The following LGR6 variants were observed in gnomAD, a reference collection of about 807,000 sequenced individuals.
The protein encoded by LGR6 is leucine rich repeat containing G protein-coupled receptor 6.
In LGR6, 45 loss-of-function variants were observed where a neutral mutation model predicts 69.4. That is an observed-to-expected ratio of 0.65 (90% CI 0.51 to 0.83). LGR6 has a LOEUF of 0.83. LGR6 is among the 40% of genes least tolerant of loss of function. LGR6 has a pLI of 0.00. For synonymous variants in LGR6, 538 were observed against 555.0 expected, an observed-to-expected ratio of 0.97 and a Z score of 0.43; for missense variants, 1,108 against 1,246.7, an observed-to-expected ratio of 0.89 and a Z score of 1.68.
intron 1 of LGR6, among the ~76,000 whole-genome samples, chr1:202,211,113 G>C (rs1290095320): frequency 6.6e-6 from 1 of 152,184 alleles, no homozygotes; most frequent in Admixed American, 6.5e-5. Context: ...GTTAACCCTG[G>C]GAGAGAAGCC....
At chr1:202,232,572 C>T (rs1661175188) in intron 3 of LGR6, among the ~76,000 whole-genome samples, 1 of 152,036 alleles carries the variant, frequency 6.6e-6, no homozygotes. Context: ...GCCTGTAATC[C>T]CAGGGCTGTG....
At chr1:202,248,311 C>G (rs753693761) in intron 4 of LGR6, among the ~76,000 whole-genome samples, 1 of 152,218 alleles carries the variant, frequency 6.6e-6, no homozygotes, top group Non-Finnish European at 1.5e-5. Context: ...GAATCAGTGG[C>G]AGCGCTGCAG....
chr1:202,311,067 C>T (rs187276049), intron 16 of LGR6, among the ~76,000 whole-genome samples: 109 of 151,894 alleles, frequency 7.2e-4, no homozygotes, highest in African/African-American at 2.5e-3. Context: ...TCTTAGATAC[C>T]AAGGGCAGAT....
At chr1:202,261,240 C>G (rs192534951) in intron 4 of LGR6, among the ~76,000 whole-genome samples, 2 of 127,122 alleles carry the variant, frequency 1.6e-5, no homozygotes, top group Admixed American at 8.3e-5. Context: ...CCCCTCCCCC[C>G]ACCCCACAAC....
In LGR6 at chr1:202,268,331, T is replaced by C. The variant is rs959963412; in HGVS notation, c.429-7975T>C. ...CCTCACTGCTCGGCAGGTGCCAGCC[T>C]GCTCCCTGCTGGAATCCTTGCCTTC... is the stretch of plus-strand genomic sequence containing the variant. On this transcript the variant is annotated intron_variant, in intron 4 of 17. Coordinates refer to ENST00000367278, the MANE Select transcript of LGR6 (RefSeq NM_001017403.2). The surrounding 1 kb of genome is among the most constrained non-coding windows in gnomAD (Gnocchi z 4.4). Among the ~76,000 whole-genome samples the C allele has an allele frequency of 6.6e-6, 1 of 152,228 alleles. No homozygotes were observed. Among genetic ancestry groups the C allele is most frequent in the African/African-American group, 2.4e-5 (1 of 41,468 alleles).
intron 4 of LGR6, among the ~76,000 whole-genome samples, chr1:202,274,568 A>G (rs1665381660): frequency 6.6e-6 from 1 of 152,192 alleles, no homozygotes; most frequent in Non-Finnish European, 1.5e-5. Context: ...TAAAAACATT[A>G]ACGTGCTGAT....
In LGR6 at chr1:202,194,210, T is replaced by C. The variant is rs768566635; in HGVS notation, c.212+9T>C. 1.0e-4 allele frequency: 156 copies of C among 1,540,902 alleles called. No homozygotes were observed. Among genetic ancestry groups the C allele is most frequent in the Non-Finnish European group, 1.1e-4 (129 of 1,150,008 alleles). ...CCCCTGACGGCTTACCTGTGAGTAC[T>C]GCCCGCCTGTCCCCGCCTGGTCCTG... is the stretch of plus-strand genomic sequence containing the variant. On this transcript the variant is annotated intron_variant, in intron 1 of 17. Transcript: ENST00000367278.
At chr1:202,211,868 C>G (rs996960720) in intron 1 of LGR6, among the ~76,000 whole-genome samples, 2 of 152,244 alleles carry the variant, frequency 1.3e-5, no homozygotes, top group African/African-American at 4.8e-5. Context: ...TAGCAACGAT[C>G]GTGATTTCTA....
intron 16 of LGR6, among the ~76,000 whole-genome samples, chr1:202,311,868 G>T (rs1248803923): frequency 6.6e-6 from 1 of 151,966 alleles, no homozygotes; most frequent in Non-Finnish European, 1.5e-5. Flanking sequence ...CAGGCAACCT[G>T]GGGGTCTCTG....
intron 10 of LGR6, among the ~76,000 whole-genome samples, chr1:202,304,153 C>T (rs1395230438): frequency 4.6e-5 from 7 of 152,204 alleles, no homozygotes; most frequent in East Asian, 1.9e-4. Flanking sequence ...GGTCCCACTA[C>T]GGTGTTTTTC....
intron 7 of LGR6, among the ~76,000 whole-genome samples, chr1:202,300,224 A>G (rs1667481944): frequency 6.6e-6 from 1 of 152,174 alleles, no homozygotes; most frequent in South Asian, 2.1e-4. Context: ...GACTAAGGAG[A>G]GGATTCCCTT....
In LGR6 at chr1:202,305,665, G is replaced by C. The variant is rs774004439; in HGVS notation, c.1071-19G>C. ...TAGCCACCATTTCACCCCAGCCCTG[G>C]CCTTTCTCTTTTCCCCAGGGAACTG... On this transcript the variant is annotated intron_variant, in intron 11 of 17. Coordinates refer to ENST00000367278, the MANE Select transcript of LGR6 (RefSeq NM_001017403.2). 6.2e-7 allele frequency: 1 copy of C among 1,612,156 alleles called. No individual in the cohort carries two copies. The highest frequency in any genetic ancestry group is 1.3e-5 in the African/African-American group (1 of 74,834).
chr1:202,277,232 G>A (rs1236448195), intron 5 of LGR6, among the ~76,000 whole-genome samples: 1 of 152,168 alleles, frequency 6.6e-6, no homozygotes, highest in Non-Finnish European at 1.5e-5. Context: ...TGACTCTACT[G>A]GATGGTAACA....
In LGR6 at chr1:202,295,917, C is replaced by A. The variant is rs1399411274; in HGVS notation, c.717-1591C>A. On this transcript the variant is annotated intron_variant, in intron 6 of 17. Transcript: ENST00000367278. Reference sequence around the variant, plus strand: ...TGTGTGTGTGTGTGTGTGTGTGTGACAATTATCTGGCTCACTGGCTGCCAG... The same window carrying A: ...TGTGTGTGTGTGTGTGTGTGTGTGAAAATTATCTGGCTCACTGGCTGCCAG... Among the ~76,000 whole-genome samples the A allele has an allele frequency of 1.5e-5, 2 of 131,022 alleles. 1 individual carries two copies. Among genetic ancestry groups the A allele is most frequent in the East Asian group, 4.3e-4 (2 of 4,704 alleles). The allele number at this position is 131,022 out of a possible 152,430, so 86.0% of individuals were successfully genotyped here. A position where few individuals can be genotyped will look rare whatever the true frequency, so the allele number is the denominator to read the frequency against.
At chr1:202,214,993 GTGT>G (rs1659669541) in intron 1 of LGR6, among the ~76,000 whole-genome samples, 3 of 117,952 alleles carry the variant, frequency 2.5e-5, no homozygotes, top group African/African-American at 8.9e-5. Flanking sequence ...GCACCTGGGT[GTGT>G]GTGTGTGTGT....
At chr1:202,256,154 T>C (rs1663753670) in intron 4 of LGR6, among the ~76,000 whole-genome samples, 1 of 152,258 alleles carries the variant, frequency 6.6e-6, no homozygotes, top group African/African-American at 2.4e-5. Flanking sequence ...GCTTTTAATA[T>C]CTGGCTTTTT....
chr1:202,238,693 G>T (rs1661849170), intron 4 of LGR6, among the ~76,000 whole-genome samples: 1 of 151,730 alleles, frequency 6.6e-6, no homozygotes, highest in Admixed American at 6.6e-5. Flanking sequence ...AAAGTGCTGG[G>T]ATTACAGGCG....
chr1:202,256,266 TAG>T (rs1369985371), intron 4 of LGR6, among the ~76,000 whole-genome samples: 5 of 152,166 alleles, frequency 3.3e-5, no homozygotes, highest in African/African-American at 1.2e-4. Context: ...ATTTTTGAGA[TAG>T]AGTCTCGCTC....
At chr1:202,313,148 A>G (rs951790756) in intron 16 of LGR6, among the ~76,000 whole-genome samples, 1 of 151,698 alleles carries the variant, frequency 6.6e-6, no homozygotes, top group Non-Finnish European at 1.5e-5. Flanking sequence ...AATGGCGTGA[A>G]CCCAGGAGGC....
Sources: gnomAD v4.1 joint callset for allele counts (sites outside exome capture counted in the v4.1 genomes callset) on GRCh38, gnomAD v4.1.1 for gene constraint, Gnocchi (gnomAD v3.1) non-coding constraint, MANE v1.5 for transcripts, NCBI Gene and HGNC (gene_info 2026-07-23, HGNC 2026-07-21) for gene names.